CSF1R: variants seen among roughly 807,000 people sequenced by gnomAD.
The protein encoded by CSF1R is colony stimulating factor 1 receptor.
CSF1R carries 40 observed loss-of-function variants against 110.0 expected under a neutral mutation model. The ratio of observed to expected loss-of-function variants is 0.36; its 90% CI spans 0.28 to 0.47. The LOEUF (loss-of-function observed/expected upper bound fraction) is 0.47, where lower values mean the gene tolerates loss of function less well. Ranked by LOEUF, CSF1R falls within the 20% of genes least tolerant of loss-of-function variation. The probability of loss-of-function intolerance (pLI) is 0.99; values close to 1 mark genes in which losing one functional copy is unlikely to be tolerated. For missense variants in CSF1R, 1,052 were observed against 1,253.0 expected, an observed-to-expected ratio of 0.84 and a Z score of 2.42; for synonymous variants, 523 against 503.4, an observed-to-expected ratio of 1.04 and a Z score of -0.52.
chr5:150,080,266 G>A lies in CSF1R; in HGVS notation c.378C>T (p.Pro126=). ...CCAGCACCGGGTCTGTGAGCAGACA[G>A]GGCAGTAGTGCGTCCTGGTCCTCGA... ...VVFEDQDALL[P]CLLTDPVLEA... The change falls in exon 3 of 21, where the codon CCC becomes CCT. Residue 126 remains proline, a synonymous_variant. Transcript: ENST00000675795. 5 of 1,614,008 alleles carry A rather than the reference G, an allele frequency of 3.1e-6. No homozygotes were observed. The highest frequency in any genetic ancestry group is 4.2e-6 in the Non-Finnish European group (5 of 1,180,052).
At position 150,080,792 on chromosome 5, in the gene CSF1R, G is replaced by A. The variant is rs41287102; in HGVS notation, c.282C>T (p.Ser94=). The A allele has an allele frequency of 5.6e-3, 9,075 of 1,614,056 alleles. 33 individuals are homozygous for A. Among genetic ancestry groups the A allele is most frequent in the Middle Eastern group, 0.011 (64 of 6,062 alleles). The part of the protein sequence containing the change: ...CTEPGDPLGG[S]AAIHLYVKDP... ...CTTTGACATAGAGGTGGATGGCGGC[G>A]CTGCCTCCCAGGGGGTCTCCAGGCT... is the stretch of plus-strand genomic sequence containing the variant. Residue 94 remains serine, a synonymous_variant, in exon 2 of 21, where the codon AGC becomes AGT. Transcript: ENST00000675795.
In CSF1R at chr5:150,061,789, A is replaced by T; in HGVS notation, c.1687T>A (p.Phe563Ile). 1 of 1,614,174 alleles carries T rather than the reference A, an allele frequency of 6.2e-7. No homozygotes were observed. Reference protein sequence around the residue: ...IESYEGNSYTFIDPTQLPYNE... With the variant: ...IESYEGNSYTIIDPTQLPYNE... Reference sequence around the variant, plus strand: ...TAAGGCAGCTGCGTGGGGTCGATGAAAGTATAACTGTTGCCCTCATAGCTC... The same window carrying T: ...TAAGGCAGCTGCGTGGGGTCGATGATAGTATAACTGTTGCCCTCATAGCTC... The change falls in exon 11 of 21, where the codon TTC becomes ATC. Residue 563 changes from phenylalanine (F) to isoleucine (I), a missense_variant. By Grantham distance (21) the Phe-to-Ile change is conservative. Transcript: ENST00000675795.
chr5:150,057,871 C>T (rs1384614663), intron 14 of CSF1R, among the ~76,000 whole-genome samples: 1 of 152,210 alleles, frequency 6.6e-6, no homozygotes, highest in African/African-American at 2.4e-5. Context: ...CTAGCCCCTG[C>T]TCTACCCTCA....
chr5:150,072,401 G>A (rs1284837957), intron 6 of CSF1R, among the ~76,000 whole-genome samples: 1 of 152,098 alleles, frequency 6.6e-6, no homozygotes, highest in East Asian at 1.9e-4. Flanking sequence ...GGCTGAGGCA[G>A]GAGAATCACT....
At chr5:150,108,672 C>A (rs1759621895) in intron 1 of CSF1R, among the ~76,000 whole-genome samples, 1 of 152,226 alleles carries the variant, frequency 6.6e-6, no homozygotes, top group South Asian at 2.1e-4. Flanking sequence ...AACTGTGTTA[C>A]TTCCCCATGT....
At chr5:150,065,663 G>A (rs1231555565) in intron 10 of CSF1R, among the ~76,000 whole-genome samples, 1 of 151,786 alleles carries the variant, frequency 6.6e-6, no homozygotes, top group African/African-American at 2.4e-5. Context: ...TGACCATCCT[G>A]CCCCCTCCGC....
chr5:150,073,588 G>T, intron 5 of CSF1R, 95 bp from the exon 6 acceptor site: 1 of 1,316,398 alleles, frequency 7.6e-7, no homozygotes, highest in Non-Finnish European at 1.1e-6. Flanking sequence ...CAGTCCCTGA[G>T]CAGCTATGTC....
chr5:150,110,107 C>T (rs1759673093), intron 1 of CSF1R, among the ~76,000 whole-genome samples: 1 of 152,236 alleles, frequency 6.6e-6, no homozygotes, highest in Non-Finnish European at 1.5e-5. Context: ...CCTGAGTCAC[C>T]TGCTCCATCC....
chr5:150,075,705 G>A (rs558812335), intron 5 of CSF1R, among the ~76,000 whole-genome samples: 1 of 152,316 alleles, frequency 6.6e-6, no homozygotes, highest in Non-Finnish European at 1.5e-5. Flanking sequence ...ACTTGCAGCT[G>A]TATCCTCGAT....
At chr5:150,074,304 A>ATTTT (rs1343325358) in intron 5 of CSF1R, among the ~76,000 whole-genome samples, 1 of 114,730 alleles carries the variant, frequency 8.7e-6, no homozygotes, top group East Asian at 4.3e-4. Flanking sequence ...AGTCCTGACT[A>ATTTT]GTTTTTTTTT....
intron 9 of CSF1R, among the ~76,000 whole-genome samples, chr5:150,068,582 G>T (rs1211346007): frequency 6.6e-6 from 1 of 152,158 alleles, no homozygotes; most frequent in Non-Finnish European, 1.5e-5. Context: ...TGTGGCTGGG[G>T]GTAGGGAGCC....
Position 150,073,641 on chromosome 5 carries a change from C to T in CSF1R, c.890-148G>A, listed in dbSNP as rs558935252. 59 of 707,418 alleles carry T rather than the reference C, an allele frequency of 8.3e-5. 2 individuals carry two copies. In the South Asian group the frequency reaches 1.2e-3, roughly 15 times the overall value. 43.8% of individuals were successfully genotyped at this position (707,418 alleles called of 1,614,324 possible). A position where few individuals can be genotyped will look rare whatever the true frequency, so the allele number is the denominator to read the frequency against. On this transcript the variant is annotated intron_variant, in intron 5 of 20. Transcript: ENST00000675795. Reference sequence around the variant, plus strand: ...ACCACCCAAGACAGGTCCTCTGACACCCCTCTTCTCACCACCCCCTTCAGA... The same window carrying T: ...ACCACCCAAGACAGGTCCTCTGACATCCCTCTTCTCACCACCCCCTTCAGA...
chr5:150,054,183 G>C lies in CSF1R; in HGVS notation c.2805C>G (p.Ser935Arg), dbSNP rs147476583. 6.2e-7 allele frequency: 1 copy of C among 1,611,690 alleles called. No homozygotes were observed. The highest frequency in any genetic ancestry group is 8.5e-7 in the Non-Finnish European group (1 of 1,178,676). The change falls in exon 21 of 21, where the codon AGC (serine) becomes AGG (arginine). Residue 935 changes from serine to arginine, a missense_variant. Physicochemically the swap from Ser to Arg is moderately radical, Grantham distance 110. This residue lies in a region of CSF1R where 85 missense variants were observed against 78.8 expected (regional missense o/e 1.08). Coordinates refer to ENST00000675795, the MANE Select transcript of CSF1R (RefSeq NM_001288705.3). ...CCTCCAGCTCACTGCTGCTGCTGCC[G>C]CTGCCACCGCTTCTGCTGCTGCTCG... ...NLPSSSRSGG[S>R]GSSSSELEEE...
Position 150,080,334 on chromosome 5 carries a change from G to A in CSF1R, c.310C>T (p.Pro104Ser). 6.2e-7 allele frequency: 1 copy of A among 1,612,388 alleles called. No homozygotes were observed. Among genetic ancestry groups the A allele is most frequent in the South Asian group, 1.1e-5 (1 of 91,038 alleles). ...GCTAGCACGTTCCAGGGCCGGGCAG[G>A]GTCTAGAGTAGAGGAGGGCACAGGG... is the stretch of plus-strand genomic sequence containing the variant. ...SAAIHLYVKD[P>S]ARPWNVLAQE... is the part of the protein sequence containing the mutation. Residue 104 changes from proline (P) to serine (S), a missense_variant and splice_region_variant, in exon 3 of 21, where the codon CCT becomes TCT. Physicochemically the swap from Pro to Ser is moderately conservative, Grantham distance 74. Around this residue, in one of 5 missense-constraint regions of CSF1R, gnomAD observed 693 missense variants for 735.4 expected, o/e 0.94. Transcript: ENST00000675795.
chr5:150,070,955 C>T (rs549997762), intron 6 of CSF1R, among the ~76,000 whole-genome samples: 44 of 152,300 alleles, frequency 2.9e-4, no homozygotes, highest in African/African-American at 1.0e-3. Context: ...GAGAAAGAGA[C>T]AAGAGGCAGG....
At chr5:150,107,132 G>T (rs1378250685) in intron 1 of CSF1R, among the ~76,000 whole-genome samples, 2 of 152,232 alleles carry the variant, frequency 1.3e-5, no homozygotes, top group Non-Finnish European at 2.9e-5. Context: ...GCAAGGAGAA[G>T]CTCTCCACCC....
rs200536087 is a variant in CSF1R at position 150,061,519 on chromosome 5, G to T, written c.1830C>A (p.Val610=). The T allele has an allele frequency of 1.3e-6, 2 of 1,597,580 alleles. No homozygotes were observed. Among genetic ancestry groups the T allele is most frequent in the Admixed American group, 1.7e-5 (1 of 58,926 alleles). ...TCAGCATCTTCACAGCCACCTTCAG[G>T]ACAGCATCCTCCTTGCCCAGACCAA... ...TAFGLGKEDA[V]LKVAVKMLKS... The change falls in exon 12 of 21, where the codon GTC becomes GTA. Residue 610 remains valine, a synonymous_variant. Transcript: ENST00000675795.
intron 1 of CSF1R, among the ~76,000 whole-genome samples, chr5:150,106,499 G>T (rs939175302): frequency 6.6e-6 from 1 of 152,124 alleles, no homozygotes; most frequent in Non-Finnish European, 1.5e-5. Context: ...CAAGCTAGGA[G>T]CCAGGGACCC....
At chr5:150,055,531 C>G (rs1757168078) in intron 18 of CSF1R, among the ~76,000 whole-genome samples, 195 bp from the exon 19 acceptor site, 1 of 152,232 alleles carries the variant, frequency 6.6e-6, no homozygotes. Context: ...GAGCCTCTAT[C>G]CAGGCCTTAT....
Sources: allele counts gnomAD v4.1 joint callset (sites outside exome capture counted in the v4.1 genomes callset), GRCh38; gene constraint gnomAD v4.1.1; regional missense constraint gnomAD v4.1.1; transcripts MANE v1.5; gene names NCBI Gene and HGNC (gene_info 2026-07-23, HGNC 2026-07-21).